Variants in BRI3BP observed in about 807,000 individuals in gnomAD.
BRI3BP encodes the protein BRI3 binding protein, also known as BRI3-binding protein.
In BRI3BP, 7 loss-of-function variants were observed where a neutral mutation model predicts 15.8. The ratio of observed to expected loss-of-function variants is 0.44; its 90% CI spans 0.25 to 0.83. The LOEUF is 0.83. Ranked by LOEUF, BRI3BP falls within the 40% of genes least tolerant of loss-of-function variation. The probability of loss-of-function intolerance (pLI) is 0.20; values close to 1 mark genes in which losing one functional copy is unlikely to be tolerated. For synonymous variants in BRI3BP, 192 were observed against 163.5 expected (o/e 1.17, Z -1.33); for missense variants, 320 against 339.3 (o/e 0.94, Z 0.45).
Position 125,025,058 on chromosome 12 carries a change from G to A in BRI3BP, c.384G>A (p.Leu128=). The change falls in exon 3 of 3, where the codon CTG becomes CTA. Residue 128 remains leucine (L), a synonymous_variant. Coordinates refer to ENST00000341446, the MANE Select transcript of BRI3BP (RefSeq NM_080626.6). ...GCAGCCCGGCCCGCGCGCTCCTGCT[G>A]GTCGGCGTCGTCCTCCTGGCCTACT... ...VSSSPARALL[L]VGVVLLAYWF... is the part of the protein sequence containing the mutation. The A allele has an allele frequency of 6.2e-7, 1 of 1,613,564 alleles. No individual in the cohort carries two copies.
At chr12:125,020,803 C>T (rs927543529) in intron 2 of BRI3BP, among the ~76,000 whole-genome samples, 4 of 151,940 alleles carry the variant, frequency 2.6e-5, no homozygotes, top group African/African-American at 9.7e-5. Context: ...TCGCTTGAGC[C>T]CAGGAGGTAG....
the BRI3BP span, among the ~76,000 whole-genome samples, chr12:125,036,285 C>T: frequency 2.0e-5 from 3 of 151,578 alleles, no homozygotes; most frequent in Admixed American, 6.6e-5. Flanking sequence ...AGACTGGTCT[C>T]AAACTCCTGA....
At chr12:125,041,202 C>G in the BRI3BP span, among the ~76,000 whole-genome samples, 1 of 151,976 alleles carries the variant, frequency 6.6e-6, no homozygotes, top group Non-Finnish European at 1.5e-5. Flanking sequence ...CCTGCCACCA[C>G]GCCTGGCTAA....
At chr12:125,036,218 C>CCCAGCTT (rs1565910075), downstream of BRI3BP, among the ~76,000 whole-genome samples, 3 of 85,206 alleles carry the variant, frequency 3.5e-5, no homozygotes, top group African/African-American at 1.1e-4. Flanking sequence ...ACACACACCA[C>CCCAGCTT]TACACCTGGC....
At chr12:125,040,905 A>AT in the BRI3BP span, among the ~76,000 whole-genome samples, 2 of 148,530 alleles carry the variant, frequency 1.3e-5, no homozygotes. Context: ...TAATTTTTGT[A>AT]TTTTTAGTAG....
chr12:125,020,716 A>G (rs1955291352), intron 2 of BRI3BP, among the ~76,000 whole-genome samples: 1 of 152,094 alleles, frequency 6.6e-6, no homozygotes, highest in Admixed American at 6.6e-5. Context: ...GAGACCCTGT[A>G]TCTACAAAAA....
In BRI3BP at chr12:125,028,973, C is replaced by T. The variant is rs1378103951; in HGVS notation, c.*3543C>T. The T allele has an allele frequency of 6.6e-6, 1 of 152,094 alleles. No homozygotes were observed. The highest frequency in any genetic ancestry group is 2.4e-5 in the African/African-American group (1 of 41,418). The allele number at this position is 152,094 out of a possible 1,614,324, so 9.4% of individuals were successfully genotyped here. A position where few individuals can be genotyped will look rare whatever the true frequency, so the allele number is the denominator to read the frequency against. On this transcript the variant is annotated 3_prime_UTR_variant, in exon 3 of 3. Coordinates refer to ENST00000341446, the MANE Select transcript of BRI3BP (RefSeq NM_080626.6). The stretch of plus-strand genomic sequence containing the variant: ...TCACTGAATGTGACGTAAAAGCATT[C>T]TGATGAAAACTGGTTCTGTTATAAT...
At chr12:125,001,142 C>G (rs530945169) in intron 1 of BRI3BP, among the ~76,000 whole-genome samples, 1 of 152,130 alleles carries the variant, frequency 6.6e-6, no homozygotes, top group East Asian at 1.9e-4. Context: ...GCAAGCTCCA[C>G]CTCCTGTGTT....
intron 1 of BRI3BP, among the ~76,000 whole-genome samples, chr12:125,004,154 T>C (rs1955122644): frequency 2.0e-5 from 3 of 152,212 alleles, no homozygotes; most frequent in Admixed American, 2.0e-4. Flanking sequence ...CTTTTAAGTC[T>C]CTTTTTTAAA....
the BRI3BP span, among the ~76,000 whole-genome samples, chr12:125,049,638 A>G: frequency 6.6e-6 from 1 of 152,102 alleles, no homozygotes; most frequent in African/African-American, 2.4e-5. Flanking sequence ...CCCCATTGCT[A>G]AGCTCCGATT....
intron 1 of BRI3BP, among the ~76,000 whole-genome samples, chr12:124,999,908 C>A (rs1205658524): frequency 7.1e-6 from 1 of 141,108 alleles, no homozygotes; most frequent in African/African-American, 2.7e-5. Flanking sequence ...GTGTGAGACA[C>A]CCGACCCAGC....
At position 124,993,902 on chromosome 12, in the gene BRI3BP, C is replaced by G. The variant is rs1955017303; in HGVS notation, c.112C>G (p.Arg38Gly). The G allele has an allele frequency of 1.5e-5, 19 of 1,272,632 alleles. No homozygotes were observed. The highest frequency in any genetic ancestry group is 1.8e-5 in the Non-Finnish European group (18 of 1,002,120). The allele number at this position is 1,272,632 out of a possible 1,614,324, so 78.8% of individuals were successfully genotyped here. A position where few individuals can be genotyped will look rare whatever the true frequency, so the allele number is the denominator to read the frequency against. ...CCCGGGCGCGCAGGGGGCGCGGGGC[C>G]GCGGCGGCGCGGAGAAGAACAGCTA... is the stretch of plus-strand genomic sequence containing the variant. ...LAPGAQGARG[R>G]GGAEKNSYRR... is the part of the protein sequence containing the mutation. Residue 38 changes from arginine to glycine, a missense_variant, in exon 1 of 3, where the codon CGC (arginine) becomes GGC (glycine). Physicochemically the swap from Arg to Gly is moderately radical, Grantham distance 125. Coordinates refer to ENST00000341446, the MANE Select transcript of BRI3BP (RefSeq NM_080626.6).
the BRI3BP span, among the ~76,000 whole-genome samples, chr12:125,047,574 C>G: frequency 6.6e-6 from 1 of 151,940 alleles, no homozygotes; most frequent in African/African-American, 2.4e-5. Flanking sequence ...CGGGGTTTTG[C>G]CATGTTGGCC....
At chr12:125,017,127 C>G (rs1955253622) in intron 2 of BRI3BP, among the ~76,000 whole-genome samples, 1 of 151,756 alleles carries the variant, frequency 6.6e-6, no homozygotes, top group South Asian at 2.1e-4. Flanking sequence ...TCAAGCAATT[C>G]TCGTGCCTCA....
At chr12:125,049,055 T>G in the BRI3BP span, among the ~76,000 whole-genome samples, 1 of 151,838 alleles carries the variant, frequency 6.6e-6, no homozygotes, top group Non-Finnish European at 1.5e-5. Flanking sequence ...ACCTCCCGGG[T>G]TCAAGCGATT....
downstream of BRI3BP, among the ~76,000 whole-genome samples, chr12:125,034,646 G>A (rs1241032290): frequency 6.6e-6 from 1 of 151,950 alleles, no homozygotes; most frequent in Non-Finnish European, 1.5e-5. Flanking sequence ...CTGGAGTGCA[G>A]TGGCGCAATC....
the BRI3BP span, among the ~76,000 whole-genome samples, chr12:125,049,135 G>A: frequency 1.3e-5 from 2 of 151,978 alleles, no homozygotes; most frequent in African/African-American, 2.4e-5. Flanking sequence ...CTAATTTTTT[G>A]TATTTTCAGT....
intron 2 of BRI3BP, among the ~76,000 whole-genome samples, chr12:125,022,541 A>ATTTATTTATTTTATTTTTT: frequency 7.2e-6 from 1 of 139,404 alleles, no homozygotes; most frequent in African/African-American, 2.9e-5. Flanking sequence ...TTATTTATTT[A>ATTTATTTATTTTATTTTTT]TTTTTTGAGA....
At chr12:125,024,103 A>T (rs543776371) in intron 2 of BRI3BP, among the ~76,000 whole-genome samples, 1 of 152,332 alleles carries the variant, frequency 6.6e-6, no homozygotes, top group South Asian at 2.1e-4. Flanking sequence ...TAAATAAAAG[A>T]GGTTTAATTG....
Sources: allele counts gnomAD v4.1 joint callset (sites outside exome capture counted in the v4.1 genomes callset), GRCh38; gene constraint gnomAD v4.1.1; transcripts MANE v1.5; gene names NCBI Gene and HGNC (gene_info 2026-07-23, HGNC 2026-07-21).